The following TMEM220 variants were observed in gnomAD, a reference collection of about 807,000 sequenced individuals.
TMEM220 encodes transmembrane protein 220.
A neutral mutation model predicts 21.7 loss-of-function variants in TMEM220; 21 were observed. The observed-to-expected ratio is 0.97, with a 90% CI of 0.69 to 1.39. The LOEUF (loss-of-function observed/expected upper bound fraction) is 1.39, where lower values mean the gene tolerates loss of function less well. Among genes scored for constraint, TMEM220 ranks in the 40% most tolerant of loss-of-function variants. TMEM220 has a pLI of 0.00. For synonymous variants in TMEM220, 80 were observed against 73.6 expected, an observed-to-expected ratio of 1.09 and a Z score of -0.45; for missense variants, 191 against 201.9, an observed-to-expected ratio of 0.95 and a Z score of 0.33.
chr17:10,726,420 T>A, intron 2 of TMEM220, 156 bp from the exon 3 acceptor site: 1 of 660,180 alleles, frequency 1.5e-6, no homozygotes. Flanking sequence ...AGTGGTAGAT[T>A]CTCCTTTTGT....
chr17:10,716,517 T>C, intron 5 of TMEM220: 1 of 631,506 alleles, frequency 1.6e-6, no homozygotes. Context: ...CTTCATGGCT[T>C]GCAAAAGACA....
chr17:10,724,156 G>C (rs772623765), intron 4 of TMEM220, among the ~76,000 whole-genome samples: 2 of 152,152 alleles, frequency 1.3e-5, no homozygotes, highest in Non-Finnish European at 2.9e-5. Flanking sequence ...AGAAACAAAA[G>C]GACCTATTAA....
chr17:10,729,046 A>C lies in TMEM220; in HGVS notation c.87T>G (p.Asp29Glu). 1.9e-6 allele frequency: 3 copies of C among 1,614,196 alleles called. No homozygotes were observed. Among genetic ancestry groups the C allele is most frequent in the Non-Finnish European group, 2.5e-6 (3 of 1,180,028 alleles). ...LAALVQVNDP[D>E]AEVWVVVYTI... ...TCATACTCACCACCCACACCTCTGC[A>C]TCTGGGTCATTTACCTGGAACGCCA... is the stretch of plus-strand genomic sequence containing the variant. The change falls in exon 2 of 6, where the codon GAT becomes GAG. Residue 29 changes from aspartate (D) to glutamate (E), a missense_variant. Asp to Glu is a conservative substitution (Grantham distance 45). Coordinates refer to ENST00000341871, the MANE Select transcript of TMEM220 (RefSeq NM_001004313.3).
At chr17:10,729,185 C>A in intron 1 of TMEM220, 125 bp from the exon 2 acceptor site, 1 of 1,037,008 alleles carries the variant, frequency 9.6e-7, no homozygotes, top group South Asian at 1.4e-5. Flanking sequence ...ATCGAGGGTA[C>A]AAAATCTGAA....
chr17:10,724,078 C>G (rs987440430), intron 4 of TMEM220, among the ~76,000 whole-genome samples: 13 of 152,112 alleles, frequency 8.5e-5, no homozygotes, highest in Non-Finnish European at 1.9e-4. Context: ...AAAGAAACAC[C>G]TTTTCAGTGA....
chr17:10,724,904 A>G, intron 4 of TMEM220, 107 bp downstream of exon 4: 1 of 1,474,206 alleles, frequency 6.8e-7, no homozygotes, highest in Non-Finnish European at 9.4e-7. Context: ...CACAGGGTAC[A>G]CTGGGGGAAT....
chr17:10,711,176 C>T, downstream of TMEM220: 1 of 1,539,892 alleles, frequency 6.5e-7, no homozygotes, highest in Non-Finnish European at 8.8e-7. Context: ...AGAAAATGAG[C>T]TTTGTGTTTG....
At chr17:10,726,073 CT>C in intron 3 of TMEM220, 130 bp downstream of exon 3, 1 of 694,394 alleles carries the variant, frequency 1.4e-6, no homozygotes, top group Non-Finnish European at 2.6e-6. Flanking sequence ...GAATTAGCCC[CT>C]TTTATTATCA....
chr17:10,723,887 C>T (rs905631028), intron 4 of TMEM220, among the ~76,000 whole-genome samples: 9 of 152,250 alleles, frequency 5.9e-5, no homozygotes, highest in East Asian at 1.9e-4. Flanking sequence ...ATGCACATAT[C>T]TTTTACATAG....
intron 5 of TMEM220, among the ~76,000 whole-genome samples, chr17:10,718,859 T>C (rs967349412): frequency 2.0e-5 from 3 of 152,252 alleles, no homozygotes; most frequent in Non-Finnish European, 4.4e-5. Context: ...AAACATATAG[T>C]CTTTTTGTAA....
At chr17:10,724,800 A>G (rs565550265) in intron 4 of TMEM220, among the ~76,000 whole-genome samples, 9 of 152,302 alleles carry the variant, frequency 5.9e-5, no homozygotes, top group African/African-American at 2.2e-4. Context: ...TAGCAGTGAT[A>G]ATGAAGCCTG....
intron 5 of TMEM220, among the ~76,000 whole-genome samples, chr17:10,717,335 G>T (rs1314532304): frequency 6.6e-6 from 1 of 151,388 alleles, no homozygotes; most frequent in South Asian, 2.1e-4. Flanking sequence ...CTTCTATCAG[G>T]TTAAGTTCCC....
intron 5 of TMEM220, among the ~76,000 whole-genome samples, chr17:10,720,490 C>T (rs943501181): frequency 1.3e-5 from 2 of 152,148 alleles, no homozygotes; most frequent in African/African-American, 4.8e-5. Flanking sequence ...ACATTTGCTC[C>T]ACTGAAAAAT....
intron 5 of TMEM220, 25 bp downstream of exon 5, chr17:10,723,245 A>C (rs553904968): frequency 3.1e-6 from 5 of 1,609,866 alleles, no homozygotes; most frequent in Non-Finnish European, 4.2e-6. Flanking sequence ...TCCCAAAGTG[A>C]AGATGTGATG....
chr17:10,711,470 A>C (rs73974820), downstream of TMEM220, among the ~76,000 whole-genome samples: 3,649 of 152,310 alleles, frequency 0.024, 138 homozygotes, highest in African/African-American at 0.081. Flanking sequence ...TGTGTTAACT[A>C]TGTAACTTCA....
chr17:10,726,745 A>T (rs1025279749), intron 2 of TMEM220, among the ~76,000 whole-genome samples: 1 of 152,198 alleles, frequency 6.6e-6, no homozygotes, highest in African/African-American at 2.4e-5. Flanking sequence ...AATAATGCAT[A>T]CACAATCAGC....
chr17:10,719,191 C>T (rs1162792123), intron 5 of TMEM220, among the ~76,000 whole-genome samples: 2 of 152,128 alleles, frequency 1.3e-5, no homozygotes, highest in African/African-American at 4.8e-5. Flanking sequence ...GTTGAGATAA[C>T]CAGATAGCCA....
chr17:10,722,419 T>C (rs2075003813), intron 5 of TMEM220, among the ~76,000 whole-genome samples: 1 of 152,224 alleles, frequency 6.6e-6, no homozygotes, highest in African/African-American at 2.4e-5. Context: ...TAACACATGC[T>C]TCCTATTTGT....
chr17:10,727,784 A>G (rs1193412275), intron 2 of TMEM220, among the ~76,000 whole-genome samples: 1 of 152,204 alleles, frequency 6.6e-6, no homozygotes, highest in Admixed American at 6.5e-5. Context: ...CTAAAGCTTA[A>G]GAGTCATCTC....
Sources: gnomAD v4.1 joint callset for allele counts (sites outside exome capture counted in the v4.1 genomes callset) on GRCh38, gnomAD v4.1.1 for gene constraint, MANE v1.5 for transcripts, NCBI Gene and HGNC (gene_info 2026-07-23, HGNC 2026-07-21) for gene names.